PSD3: variants seen among roughly 807,000 people sequenced by gnomAD.
PSD3 encodes pleckstrin and Sec7 domain containing 3.
Under a neutral mutation model 105.5 loss-of-function variants are expected in PSD3, and 49 were observed. That is an observed-to-expected ratio of 0.46 (90% CI 0.37 to 0.59). PSD3 has a LOEUF of 0.59. Ranked by LOEUF, PSD3 falls within the 20% of genes least tolerant of loss-of-function variation. PSD3 has a pLI of 0.00. For synonymous variants in PSD3, 557 were observed against 457.8 expected (o/e 1.22, Z -2.77); for missense variants, 1,561 against 1,263.8 (o/e 1.24, Z -3.57).
rs5889843 is a variant in PSD3, at chr8:19,022,864, CT to C, written c.324+61341del. Among the ~76,000 whole-genome samples, 1,000 of 143,652 alleles carry C rather than the reference CT, an allele frequency of 7.0e-3. 12 individuals carry two copies. Among genetic ancestry groups the C allele is most frequent in the African/African-American group, 0.024 (929 of 39,260 alleles). The allele number at this position is 143,652 out of a possible 152,430, so 94.2% of individuals were successfully genotyped here. On this transcript the variant is annotated intron_variant, in intron 1 of 1. Coordinates refer to the PSD3 transcript ENST00000521475. ...GATTGTAGAACAAAGTCTCAGGACC[CT>C]TTTTTTTTTTTTAATCTGTGCATGG...
At chr8:18,949,905 T>C (rs961869682) in intron 1 of PSD3, among the ~76,000 whole-genome samples, 7 of 152,238 alleles carry the variant, frequency 4.6e-5, no homozygotes, top group African/African-American at 1.2e-4. Context: ...TAAAATGATA[T>C]AGAAAAGTAA....
intron 9 of PSD3, among the ~76,000 whole-genome samples, chr8:18,683,141 A>T (rs776254422): frequency 6.6e-6 from 1 of 152,210 alleles, no homozygotes; most frequent in African/African-American, 2.4e-5. Context: ...ACGAACAAAG[A>T]TTATATTATC....
At chr8:18,865,710 C>A (rs911331672) in intron 4 of PSD3, among the ~76,000 whole-genome samples, 1 of 152,084 alleles carries the variant, frequency 6.6e-6, no homozygotes, top group African/African-American at 2.4e-5. Flanking sequence ...TGGCGCGTCT[C>A]CAAGGTGCTT....
At chr8:19,034,973 C>A (rs73206405) in intron 1 of PSD3, among the ~76,000 whole-genome samples, 2,478 of 152,230 alleles carry the variant, frequency 0.016, 56 homozygotes, top group Non-Finnish European at 0.024. Context: ...CTCTTTCATT[C>A]TAATGCCACT....
At chr8:18,880,307 C>A (rs1212774951) in intron 2 of PSD3, among the ~76,000 whole-genome samples, 1 of 152,154 alleles carries the variant, frequency 6.6e-6, no homozygotes, top group African/African-American at 2.4e-5. Flanking sequence ...AAAATTCATT[C>A]ACGCATTCAG....
chr8:19,036,957 G>T (rs144651261), intron 1 of PSD3, among the ~76,000 whole-genome samples: 5 of 152,248 alleles, frequency 3.3e-5, no homozygotes, highest in African/African-American at 1.2e-4. Context: ...CCCCAGGATT[G>T]ACCCTTTCAG....
intron 2 of PSD3, among the ~76,000 whole-genome samples, chr8:18,896,426 A>G (rs1030744091): frequency 6.6e-6 from 1 of 151,948 alleles, no homozygotes; most frequent in Non-Finnish European, 1.5e-5. Flanking sequence ...CTTTTATTTT[A>G]TTTTTGAGAC....
chr8:18,555,986 C>T (rs1801046067), intron 15 of PSD3, among the ~76,000 whole-genome samples: 1 of 152,256 alleles, frequency 6.6e-6, no homozygotes, highest in East Asian at 1.9e-4. Context: ...AGGCTATTTA[C>T]TTTTAAGTGT....
chr8:19,075,342 A>T (rs1829432497), intron 1 of PSD3, among the ~76,000 whole-genome samples: 1 of 152,162 alleles, frequency 6.6e-6, no homozygotes. Context: ...GCCTCAAGTG[A>T]TCCTCCCACC....
chr8:18,635,684 C>G (rs1807197622), intron 10 of PSD3, among the ~76,000 whole-genome samples: 1 of 152,080 alleles, frequency 6.6e-6, no homozygotes, highest in Non-Finnish European at 1.5e-5. Flanking sequence ...CACATATACA[C>G]TATGGAATAC....
At chr8:18,555,495 G>A (rs1445362332) in intron 15 of PSD3, among the ~76,000 whole-genome samples, 1 of 152,124 alleles carries the variant, frequency 6.6e-6, no homozygotes, top group Non-Finnish European at 1.5e-5. Context: ...TGTATTGCAT[G>A]CTACCTACTT....
intron 2 of PSD3, among the ~76,000 whole-genome samples, chr8:18,933,263 G>A (rs1821863948): frequency 6.6e-6 from 1 of 151,988 alleles, no homozygotes; most frequent in African/African-American, 2.4e-5. Flanking sequence ...GCTGATACAG[G>A]GAAAACTACT....
intron 10 of PSD3, among the ~76,000 whole-genome samples, chr8:18,640,695 T>G (rs1255577796): frequency 1.3e-5 from 2 of 152,184 alleles, no homozygotes; most frequent in Admixed American, 1.3e-4. Context: ...CAGTTCTTTA[T>G]AGCAGCATGA....
Position 18,572,430 on chromosome 8 carries a change from T to G in PSD3, c.2784+98A>C, listed in dbSNP as rs1802200881. Reference sequence around the variant, plus strand: ...CTCTCACAGGGCAAGGTCTCACACCTGCCCCCAAAACATGGACTACTATCC... The same window carrying G: ...CTCTCACAGGGCAAGGTCTCACACCGGCCCCCAAAACATGGACTACTATCC... On this transcript the variant is annotated intron_variant, in intron 14 of 15. Transcript: ENST00000327040. 2.1e-6 allele frequency: 3 copies of G among 1,452,782 alleles called. 1 individual carries two copies. In the South Asian group the frequency reaches 3.9e-5, roughly 19 times the overall value. 90.0% of individuals were successfully genotyped at this position (1,452,782 alleles called of 1,614,324 possible).
intron 8 of PSD3, among the ~76,000 whole-genome samples, chr8:18,777,784 G>A (rs75721331): frequency 0.022 from 3,272 of 151,918 alleles, 156 homozygotes; most frequent in East Asian, 0.14. Context: ...GTTTCCATTC[G>A]CCTCCCTTTA....
intron 4 of PSD3, among the ~76,000 whole-genome samples, chr8:18,851,886 T>C (rs1277497564): frequency 6.6e-6 from 1 of 152,206 alleles, no homozygotes; most frequent in Non-Finnish European, 1.5e-5. Context: ...ACCGTTGGCA[T>C]TGTATTCCTT....
chr8:18,883,708 G>A (rs751732671), intron 2 of PSD3, among the ~76,000 whole-genome samples: 2 of 152,140 alleles, frequency 1.3e-5, no homozygotes, highest in Non-Finnish European at 2.9e-5. Flanking sequence ...ATCTTTGGAT[G>A]CGTTGCTTTT....
At chr8:18,973,486 C>T (rs570937077) in intron 1 of PSD3, among the ~76,000 whole-genome samples, 1 of 152,288 alleles carries the variant, frequency 6.6e-6, no homozygotes, top group East Asian at 1.9e-4. Context: ...TGTATACACT[C>T]TGGTGTCTCT....
Position 18,725,255 on chromosome 8 carries a change from A to G in PSD3, c.2172+40194T>C, listed in dbSNP as rs1463167948. Among the ~76,000 whole-genome samples, 4 of 152,324 alleles carry G rather than the reference A, an allele frequency of 2.6e-5. No homozygotes were observed. The East Asian group carries it at 5.8e-4, about 22-fold the overall frequency. On this transcript the variant is annotated intron_variant, in intron 9 of 15. Coordinates refer to ENST00000327040, the MANE Select transcript of PSD3 (RefSeq NM_015310.4). Reference sequence around the variant, plus strand: ...TTATTTTTTAGGAAACTTAGAAAATAGTAATCTTTCTCTTTTCCTGCAGTC... The same window carrying G: ...TTATTTTTTAGGAAACTTAGAAAATGGTAATCTTTCTCTTTTCCTGCAGTC...
Sources: gnomAD v4.1 joint callset for allele counts (sites outside exome capture counted in the v4.1 genomes callset) on GRCh38, gnomAD v4.1.1 for gene constraint, MANE v1.5 for transcripts, NCBI Gene and HGNC (gene_info 2026-07-23, HGNC 2026-07-21) for gene names.